HBG2: variants seen among roughly 807,000 people sequenced by gnomAD.
HBG2 encodes the protein hemoglobin subunit gamma-2.
For missense variants in HBG2, 59 were observed against 155.7 expected, an observed-to-expected ratio of 0.38 and a Z score of 3.31; for synonymous variants, 25 against 63.2, an observed-to-expected ratio of 0.40 and a Z score of 2.87.
At chr11:5,253,938 A>G in intron 2 of HBG2, among the ~76,000 whole-genome samples, 1 of 152,062 alleles carries the variant, frequency 6.6e-6, no homozygotes, top group Non-Finnish European at 1.5e-5. Flanking sequence ...TTCTGCCTGC[A>G]TCTTTTTAAT....
Position 5,253,425 on chromosome 11 carries a change from C to T in HBG2, c.316-20G>A, listed in dbSNP as rs775500210. 13 of 1,608,342 alleles carry T rather than the reference C, an allele frequency of 8.1e-6. No individual in the cohort carries two copies. The highest frequency in any genetic ancestry group is 3.3e-4 in the Middle Eastern group (2 of 6,070). On this transcript the variant is annotated intron_variant, in intron 2 of 2. Coordinates refer to ENST00000336906, the MANE Select transcript of HBG2 (RefSeq NM_000184.3). ...CAGGAGCTGTTGAGATGAAAGGAGA[C>T]AATAAAGATGAACCCATAGTGAGCT...
intron 2 of HBG2, among the ~76,000 whole-genome samples, 176 bp downstream of exon 2, chr11:5,254,116 C>G (rs1459074176): frequency 1.3e-5 from 2 of 151,898 alleles, no homozygotes; most frequent in Non-Finnish European, 2.9e-5. Context: ...AGAGGCACTC[C>G]TTAGGCCCTA....
chr11:5,253,996 A>G (rs1847986130), intron 2 of HBG2, among the ~76,000 whole-genome samples: 1 of 151,546 alleles, frequency 6.6e-6, no homozygotes, highest in Non-Finnish European at 1.5e-5. Context: ...ACGAATAACA[A>G]AAATAGGGGA....
chr11:5,253,679 C>G (rs1315648112), intron 2 of HBG2, among the ~76,000 whole-genome samples: 1 of 138,808 alleles, frequency 7.2e-6, no homozygotes, highest in African/African-American at 2.8e-5. Context: ...CGCTCTCACA[C>G]ACACACAAAC....
intron 2 of HBG2, among the ~76,000 whole-genome samples, chr11:5,253,633 T>A (rs1847977724): frequency 6.6e-6 from 1 of 151,970 alleles, no homozygotes; most frequent in Non-Finnish European, 1.5e-5. Flanking sequence ...CCATGAACCC[T>A]GTATGCTGTA....
chr11:5,253,719 C>G (rs183504559), intron 2 of HBG2, among the ~76,000 whole-genome samples: 14,094 of 150,710 alleles, frequency 0.094, 1,832 homozygotes, highest in African/African-American at 0.32. Flanking sequence ...CACACACACA[C>G]AGAGCTGACT....
intron 2 of HBG2, among the ~76,000 whole-genome samples, chr11:5,253,692 A>ACGCG (rs773401799): frequency 1.1e-5 from 1 of 87,310 alleles, no homozygotes; most frequent in East Asian, 5.5e-4. Flanking sequence ...ACACAAACAC[A>ACGCG]CGCGCGCACA....
At position 5,253,359 on chromosome 11, in the gene HBG2, T is replaced by A; in HGVS notation, c.362A>T (p.Lys121Ile). The A allele has an allele frequency of 1.9e-6, 3 of 1,613,870 alleles. No homozygotes were observed. The highest frequency in any genetic ancestry group is 2.5e-6 in the Non-Finnish European group (3 of 1,179,868). The change falls in exon 3 of 3, where the codon AAA becomes ATA. Residue 121 changes from lysine (K) to isoleucine (I), a missense_variant. Physicochemically the swap from Lys to Ile is moderately radical, Grantham distance 102. Transcript: ENST00000336906. ...LVTVLAIHFG[K>I]EFTPEVQASW... ...AGCCTGCACCTCAGGGGTGAATTCT[T>A]TGCCGAAATGGATTGCCAAAACGGT... is the stretch of plus-strand genomic sequence containing the variant.
chr11:5,253,698 GCACACA>G (rs1554922324), intron 2 of HBG2, among the ~76,000 whole-genome samples: 3 of 134,552 alleles, frequency 2.2e-5, no homozygotes, highest in East Asian at 4.3e-4. Flanking sequence ...ACACACGCGC[GCACACA>G]CACACACACA....
Position 5,253,402 on chromosome 11 carries a change from G to A in HBG2, c.319C>T (p.Leu107=). Residue 107 remains leucine, a synonymous_variant, in exon 3 of 3, where the codon CTG becomes TTG. Transcript: ENST00000336906. The part of the protein sequence containing the change: ...LHVDPENFKL[L]GNVLVTVLAI... ...AAAACGGTCACCAGCACATTTCCCA[G>A]GAGCTGTTGAGATGAAAGGAGACAA... 1 of 1,612,780 alleles carries A rather than the reference G, an allele frequency of 6.2e-7. No individual in the cohort carries two copies. The highest frequency in any genetic ancestry group is 8.5e-7 in the Non-Finnish European group (1 of 1,179,004).
At chr11:5,254,557 C>T (rs1847997204) in intron 1 of HBG2, 43 bp from the exon 2 acceptor site, 1 of 1,590,114 alleles carries the variant, frequency 6.3e-7, no homozygotes, top group South Asian at 1.1e-5. Context: ...GAAGGTGCCA[C>T]AAATCCTGAG....
Position 5,254,027 on chromosome 11 carries a change from C to T in HBG2, c.315+265G>A, listed in dbSNP as rs2856807. Reference sequence around the variant, plus strand: ...GGGGAAAGGTGAAAGTTCTTTCTACCGAAATCTAATAAAGAAAAGTCATTT... The same window carrying T: ...GGGGAAAGGTGAAAGTTCTTTCTACTGAAATCTAATAAAGAAAAGTCATTT... On this transcript the variant is annotated intron_variant, in intron 2 of 2. Coordinates refer to ENST00000336906, the MANE Select transcript of HBG2 (RefSeq NM_000184.3). Among the ~76,000 whole-genome samples, 14 of 151,836 alleles carry T rather than the reference C, an allele frequency of 9.2e-5. No homozygotes were observed. The East Asian group carries it at 9.7e-4, about 10-fold the overall frequency.
At chr11:5,253,620 C>T (rs1847977464) in intron 2 of HBG2, among the ~76,000 whole-genome samples, 1 of 151,864 alleles carries the variant, frequency 6.6e-6, no homozygotes, top group African/African-American at 2.4e-5. Flanking sequence ...TATCTTCTTG[C>T]CACCATGAAC....
Position 5,253,364 on chromosome 11 carries a change from G to A in HBG2, c.357C>T (p.Phe119=), listed in dbSNP as rs750889658. The A allele has an allele frequency of 4.6e-5, 75 of 1,613,396 alleles. No homozygotes were observed. Among genetic ancestry groups the A allele is most frequent in the African/African-American group, 1.3e-4 (10 of 74,864 alleles). Residue 119 remains phenylalanine, a synonymous_variant, in exon 3 of 3, where the codon TTC becomes TTT. Transcript: ENST00000336906. ...GCACCTCAGGGGTGAATTCTTTGCC[G>A]AAATGGATTGCCAAAACGGTCACCA... ...NVLVTVLAIH[F]GKEFTPEVQA... is the part of the protein sequence containing the mutation.
chr11:5,253,337 C>T lies in HBG2; in HGVS notation c.384G>A (p.Gln128=). The T allele has an allele frequency of 3.1e-6, 5 of 1,614,022 alleles. No individual in the cohort carries two copies. Among genetic ancestry groups the T allele is most frequent in the Non-Finnish European group, 4.2e-6 (5 of 1,179,964 alleles). ...CAGTCACCATCTTCTGCCAGGAAGC[C>T]TGCACCTCAGGGGTGAATTCTTTGC... is the stretch of plus-strand genomic sequence containing the variant. ...HFGKEFTPEV[Q]ASWQKMVTGV... Residue 128 remains glutamine, a synonymous_variant, in exon 3 of 3, where the codon CAG becomes CAA. Transcript: ENST00000336906.
In HBG2 at chr11:5,253,269, C is replaced by T. The variant is rs780914729; in HGVS notation, c.*8G>A. 1 of 1,614,052 alleles carries T rather than the reference C, an allele frequency of 6.2e-7. No individual in the cohort carries two copies. ...ATCCTTGAAAGCTCTGCATCATGGG[C>T]AGTGAGCTCAGTGGTATCTGGAGGA... On this transcript the variant is annotated 3_prime_UTR_variant, in exon 3 of 3. Coordinates refer to ENST00000336906, the MANE Select transcript of HBG2 (RefSeq NM_000184.3).
intron 2 of HBG2, among the ~76,000 whole-genome samples, chr11:5,253,612 T>C (rs897161780): frequency 1.3e-5 from 2 of 152,060 alleles, no homozygotes; most frequent in Admixed American, 1.3e-4. Flanking sequence ...AATCTTGTTA[T>C]CTTCTTGCCA....
intron 2 of HBG2, among the ~76,000 whole-genome samples, chr11:5,253,698 G>GCGCACACACACACACACACACACA (rs141297974): frequency 1.9e-4 from 25 of 134,556 alleles, no homozygotes; most frequent in Non-Finnish European, 3.0e-4. Context: ...ACACACGCGC[G>GCGCACACACACACACACACACACA]CACACACACA....
chr11:5,253,698 G>GCGCACACACACA (rs141297974), intron 2 of HBG2, among the ~76,000 whole-genome samples: 27 of 134,548 alleles, frequency 2.0e-4, no homozygotes, highest in African/African-American at 3.1e-4. Context: ...ACACACGCGC[G>GCGCACACACACA]CACACACACA....
Sources: allele counts gnomAD v4.1 joint callset (sites outside exome capture counted in the v4.1 genomes callset), GRCh38; gene constraint gnomAD v4.1.1; transcripts MANE v1.5; gene names NCBI Gene and HGNC (gene_info 2026-07-23, HGNC 2026-07-21).